Variants in SH3YL1 observed in about 807,000 individuals in gnomAD.
The protein encoded by SH3YL1 is SH3 domain-containing YSC84-like protein 1.
In SH3YL1, 41 loss-of-function variants were observed where a neutral mutation model predicts 45.8. The ratio of observed to expected loss-of-function variants is 0.89; its 90% CI spans 0.70 to 1.16. The LOEUF (loss-of-function observed/expected upper bound fraction) is 1.16, where lower values mean the gene tolerates loss of function less well. Among genes scored for constraint, SH3YL1 ranks in the 50% most tolerant of loss-of-function variants. The pLI is 0.00. For missense variants in SH3YL1, 389 were observed against 409.6 expected (o/e 0.95, Z 0.43); for synonymous variants, 152 against 151.4 (o/e 1.00, Z -0.03).
intron 1 of SH3YL1, chr2:262,670 T>C (rs1669632773): frequency 7.7e-7 from 1 of 1,304,136 alleles, no homozygotes; most frequent in African/African-American, 1.5e-5. Flanking sequence ...TGTGAGGCTC[T>C]CAGCAGAGTC....
chr2:230,131 T>C (rs919279254), intron 7 of SH3YL1, 87 bp from the exon 8 acceptor site: 91 of 976,432 alleles, frequency 9.3e-5, no homozygotes, highest in Non-Finnish European at 1.4e-4. Flanking sequence ...TGAGGTTATG[T>C]AGCAAACTTT....
At chr2:227,678 T>C (rs1667843649) in intron 8 of SH3YL1, among the ~76,000 whole-genome samples, 1 of 152,212 alleles carries the variant, frequency 6.6e-6, no homozygotes, top group Non-Finnish European at 1.5e-5. Flanking sequence ...GTACATGCCA[T>C]GTGTAGGACT....
chr2:260,342 A>C (rs1244836091), intron 1 of SH3YL1: 1 of 152,248 alleles, frequency 6.6e-6, no homozygotes, highest in African/African-American at 2.4e-5. Context: ...CAGAGGCAGC[A>C]CAACTTGTCT....
chr2:232,411 C>T (rs955154201), intron 6 of SH3YL1, among the ~76,000 whole-genome samples: 2 of 150,450 alleles, frequency 1.3e-5, no homozygotes, highest in African/African-American at 4.9e-5. Context: ...TCGGTGCATC[C>T]AACTAAGAGT....
chr2:259,045 T>A (rs1306116080), intron 1 of SH3YL1, among the ~76,000 whole-genome samples: 6 of 152,296 alleles, frequency 3.9e-5, no homozygotes, highest in Admixed American at 1.3e-4. Context: ...GGGTGCCCCC[T>A]CCTTGTCCTG....
chr2:253,023 G>A lies in SH3YL1; in HGVS notation c.94C>T (p.Pro32Ser), dbSNP rs1669140583. The change falls in exon 2 of 10, where the codon CCT (proline) becomes TCT (serine). Residue 32 changes from proline (P) to serine (S), a missense_variant. Transcript: ENST00000356150. The part of the protein sequence containing the change: ...EFTEITSRNG[P>S]DKIIPAHVIA... Reference sequence around the variant, plus strand: ...TACCTACCAGGAATGATCTTATCAGGTCCATTTCTGGAAGTTATTTCTGTG... The same window carrying A: ...TACCTACCAGGAATGATCTTATCAGATCCATTTCTGGAAGTTATTTCTGTG... 6.5e-7 allele frequency: 1 copy of A among 1,543,150 alleles called. No homozygotes were observed. The highest frequency in any genetic ancestry group is 1.2e-5 in the South Asian group (1 of 83,556).
chr2:219,255 C>A (rs952757221), intron 9 of SH3YL1, among the ~76,000 whole-genome samples: 3 of 152,154 alleles, frequency 2.0e-5, no homozygotes, highest in African/African-American at 7.2e-5. Context: ...GATAATACAA[C>A]TTACATTTTT....
chr2:218,899 G>C lies in SH3YL1; in HGVS notation c.941C>G (p.Ser314Ter). 1.2e-6 allele frequency: 2 copies of C among 1,614,022 alleles called. No individual in the cohort carries two copies. Among genetic ancestry groups the C allele is most frequent in the Non-Finnish European group, 8.5e-7 (1 of 1,179,980 alleles). The change falls in exon 10 of 10, where the codon TCA becomes TGA. Residue 314 changes from serine (S) to a stop codon, truncating the protein, a stop_gained. Coordinates refer to ENST00000356150, the MANE Select transcript of SH3YL1 (RefSeq NM_015677.4). LOFTEE classifies it high-confidence loss of function. ...CCAATCAAAATGTGAATCTGTTTTT[G>C]ATATAACTGTGATTCTGTCTCCAGC... ...FQAGDRITVI[S>*]KTDSHFDWWE...
At chr2:231,273 G>C (rs1202882896) in intron 6 of SH3YL1, 82 bp from the exon 7 acceptor site, 1 of 1,050,438 alleles carries the variant, frequency 9.5e-7, no homozygotes, top group Non-Finnish European at 1.4e-6. Context: ...CGCACACACG[G>C]TGTGTATATA....
Position 218,392 on chromosome 2 carries a change from A to G in SH3YL1, c.*419T>C, listed in dbSNP as rs944015974. ...TATTCTAGTTAATACCTACGACTCTAAACATTACTTAATACCTCATTTAAG... is the reference window on the plus strand; with the variant it reads ...TATTCTAGTTAATACCTACGACTCTGAACATTACTTAATACCTCATTTAAG... On this transcript the variant is annotated 3_prime_UTR_variant, in exon 10 of 10. Coordinates refer to ENST00000356150, the MANE Select transcript of SH3YL1 (RefSeq NM_015677.4). The G allele has an allele frequency of 6.4e-6, 1 of 155,826 alleles. No homozygotes were observed. The highest frequency in any genetic ancestry group is 2.4e-5 in the African/African-American group (1 of 41,592). The allele number at this position is 155,826 out of a possible 1,614,324, so 9.7% of individuals were successfully genotyped here.
intron 4 of SH3YL1, among the ~76,000 whole-genome samples, chr2:242,472 T>C (rs1023326381): frequency 6.6e-6 from 1 of 152,002 alleles, no homozygotes; most frequent in South Asian, 2.1e-4. Context: ...TTAAGACATA[T>C]TGTAAGCTCT....
intron 1 of SH3YL1, chr2:256,378 C>T (rs537353378): frequency 6.6e-6 from 1 of 152,206 alleles, no homozygotes; most frequent in Non-Finnish European, 1.5e-5. Context: ...ATAAATATTC[C>T]TTTGTAAGCC....
chr2:249,832 G>C lies in SH3YL1; in HGVS notation c.125C>G (p.Ala42Gly), dbSNP rs960933663. 16 of 1,551,202 alleles carry C rather than the reference G, an allele frequency of 1.0e-5. No individual in the cohort carries two copies. Among genetic ancestry groups the C allele is most frequent in the Non-Finnish European group, 1.4e-5 (16 of 1,146,244 alleles). ...PDKIIPAHVI[A>G]KAKGLAILSV... is the part of the protein sequence containing the mutation. ...CAGAATTGCAAGGCCTTTAGCCTTC[G>C]CAATTACGTGAGCTGTTAACGTGGA... Residue 42 changes from alanine (A) to glycine (G), a missense_variant, in exon 3 of 10, where the codon GCG becomes GGG. Coordinates refer to ENST00000356150, the MANE Select transcript of SH3YL1 (RefSeq NM_015677.4).
At chr2:227,514 T>C (rs1667835372) in intron 8 of SH3YL1, among the ~76,000 whole-genome samples, 1 of 152,040 alleles carries the variant, frequency 6.6e-6, no homozygotes, top group Non-Finnish European at 1.5e-5. Flanking sequence ...ACTATACCAG[T>C]TGACTTAGGG....
At chr2:258,507 C>A (rs1160236651) in intron 1 of SH3YL1, among the ~76,000 whole-genome samples, 1 of 152,112 alleles carries the variant, frequency 6.6e-6, no homozygotes, top group Non-Finnish European at 1.5e-5. Context: ...TGTTTTTACT[C>A]CTTTCTAGTA....
intron 9 of SH3YL1, among the ~76,000 whole-genome samples, chr2:223,431 G>A (rs993552190): frequency 6.6e-6 from 1 of 152,256 alleles, no homozygotes; most frequent in South Asian, 2.1e-4. Flanking sequence ...CCAAGCAAGT[G>A]CAGCCAGTCA....
At chr2:242,613 G>C (rs1298114199) in intron 4 of SH3YL1, among the ~76,000 whole-genome samples, 1 of 152,046 alleles carries the variant, frequency 6.6e-6, no homozygotes, top group Non-Finnish European at 1.5e-5. Flanking sequence ...AACGGCATGA[G>C]ATATAGAAAA....
At chr2:247,934 T>G (rs1337936663) in intron 3 of SH3YL1, among the ~76,000 whole-genome samples, 1 of 152,202 alleles carries the variant, frequency 6.6e-6, no homozygotes, top group East Asian at 1.9e-4. Flanking sequence ...GTCAATATTT[T>G]TATAGAACAA....
chr2:243,678 C>T, intron 4 of SH3YL1: 1 of 1,141,218 alleles, frequency 8.8e-7, no homozygotes, highest in Non-Finnish European at 1.2e-6. Context: ...CCCCTTCTTT[C>T]CCTTAGTACC....
Sources: gnomAD v4.1 joint callset for allele counts (sites outside exome capture counted in the v4.1 genomes callset) on GRCh38, gnomAD v4.1.1 for gene constraint, MANE v1.5 for transcripts, NCBI Gene and HGNC (gene_info 2026-07-23, HGNC 2026-07-21) for gene names.